PCED1B: variants seen among roughly 807,000 people sequenced by gnomAD.
PCED1B encodes the protein PC-esterase domain containing 1B.
For missense variants in PCED1B, 573 were observed against 573.9 expected (o/e 1.00, Z 0.02); for synonymous variants, 251 against 246.1 (o/e 1.02, Z -0.19).
intron 2 of PCED1B, among the ~76,000 whole-genome samples, chr12:47,160,796 G>A (rs1046264286): frequency 1.3e-5 from 2 of 152,086 alleles, no homozygotes; most frequent in Non-Finnish European, 2.9e-5. Flanking sequence ...TGGCAATGTT[G>A]GGAAGTGAAA....
At chr12:47,201,892 A>C (rs10881077) in intron 2 of PCED1B, among the ~76,000 whole-genome samples, 33,900 of 152,150 alleles carry the variant, frequency 0.22, 4,583 homozygotes, top group Non-Finnish European at 0.3. Flanking sequence ...GAGCCAATGC[A>C]CCAGGCCTGG....
At chr12:47,202,605 AAAAAAAAAAAAAAAG>A (rs1216053789) in intron 2 of PCED1B, among the ~76,000 whole-genome samples, 2 of 150,976 alleles carry the variant, frequency 1.3e-5, no homozygotes, top group African/African-American at 2.4e-5. Flanking sequence ...AAAAAAAAAA[AAAAAAAAAAAAAAAG>A]AAAAAAGAAA....
chr12:47,141,600 G>A (rs184745619), intron 2 of PCED1B, among the ~76,000 whole-genome samples: 14 of 152,224 alleles, frequency 9.2e-5, no homozygotes, highest in Admixed American at 8.5e-4. Flanking sequence ...TCTGAGAGAA[G>A]TCCTGCTCAC....
In PCED1B at chr12:47,182,646, T is replaced by C. The variant is rs562749088; in HGVS notation, c.-525-33576T>C. On this transcript the variant is annotated intron_variant, in intron 2 of 3. Coordinates refer to ENST00000546455, the MANE Select transcript of PCED1B (RefSeq NM_138371.3). ...TATGTTGAGTGCTTTATACCTATTA[T>C]CTTTTTAACAGCCTTCCAGTAACTC... Among the ~76,000 whole-genome samples the C allele has an allele frequency of 4.6e-5, 7 of 152,114 alleles. 1 individual carries two copies. Among genetic ancestry groups the C allele is most frequent in the African/African-American group, 1.4e-4 (6 of 41,500 alleles).
Position 47,183,039 on chromosome 12 carries a change from AG to A in PCED1B, c.-525-33181del, listed in dbSNP as rs1455313748. Among the ~76,000 whole-genome samples the A allele has an allele frequency of 5.3e-5, 8 of 152,050 alleles. No individual in the cohort carries two copies. In the South Asian group the frequency reaches 1.7e-3, roughly 32 times the overall value. ...CTTTTTTTTTTTGGCAATGATTCAAAGGATGATTTTTATTCTTTATACCATT... is the reference window on the plus strand; with the variant it reads ...CTTTTTTTTTTTGGCAATGATTCAAAGATGATTTTTATTCTTTATACCATT... On this transcript the variant is annotated intron_variant, in intron 2 of 3. Coordinates refer to ENST00000546455, the MANE Select transcript of PCED1B (RefSeq NM_138371.3).
chr12:47,195,092 A>G (rs1942561059), intron 2 of PCED1B, among the ~76,000 whole-genome samples: 1 of 152,150 alleles, frequency 6.6e-6, no homozygotes, highest in African/African-American at 2.4e-5. Context: ...AGCATTTGGG[A>G]GGCGGAGGCG....
intron 1 of PCED1B, among the ~76,000 whole-genome samples, chr12:47,089,393 G>C (rs1319341373): frequency 6.9e-6 from 1 of 145,232 alleles, no homozygotes; most frequent in Non-Finnish European, 1.5e-5. Context: ...CTTGCAGTGA[G>C]CTGAGATCAT....
chr12:47,160,609 C>T (rs1421553556), intron 2 of PCED1B, among the ~76,000 whole-genome samples: 1 of 152,018 alleles, frequency 6.6e-6, no homozygotes, highest in Non-Finnish European at 1.5e-5. Context: ...GCCACAATAC[C>T]CAGCCAGCAT....
intron 2 of PCED1B, among the ~76,000 whole-genome samples, chr12:47,128,361 C>A (rs774492425): frequency 1.3e-5 from 2 of 152,088 alleles, no homozygotes; most frequent in African/African-American, 2.4e-5. Flanking sequence ...GGAGAAGGCA[C>A]CTTCTTTATC....
intron 2 of PCED1B, among the ~76,000 whole-genome samples, chr12:47,165,691 T>A (rs1335476968): frequency 6.6e-6 from 1 of 152,216 alleles, no homozygotes; most frequent in Non-Finnish European, 1.5e-5. Context: ...ACACAAAATC[T>A]TGTTCTTCCA....
At chr12:47,223,437 G>GTTT in intron 3 of PCED1B, 1 of 148,588 alleles carries the variant, frequency 6.7e-6, no homozygotes, top group Non-Finnish European at 1.5e-5. Flanking sequence ...GTGCAAGCAA[G>GTTT]TTTTTTTTTT....
At chr12:47,099,944 A>G (rs1384349380) in intron 1 of PCED1B, among the ~76,000 whole-genome samples, 1 of 152,218 alleles carries the variant, frequency 6.6e-6, no homozygotes, top group Non-Finnish European at 1.5e-5. Flanking sequence ...CAGAGAGCAC[A>G]TTTGCATCAA....
At chr12:47,100,609 A>T (rs1450435593) in intron 1 of PCED1B, among the ~76,000 whole-genome samples, 4 of 152,230 alleles carry the variant, frequency 2.6e-5, no homozygotes, top group African/African-American at 9.7e-5. Flanking sequence ...ACTCTTAAGT[A>T]TCTGAAATCT....
At chr12:47,213,083 G>C (rs920715862) in intron 2 of PCED1B, among the ~76,000 whole-genome samples, 1 of 152,126 alleles carries the variant, frequency 6.6e-6, no homozygotes, top group Non-Finnish European at 1.5e-5. Context: ...TCACTGATTT[G>C]GCTTTTCTCA....
chr12:47,125,131 AT>A (rs1247264808), intron 2 of PCED1B, among the ~76,000 whole-genome samples: 1 of 151,958 alleles, frequency 6.6e-6, no homozygotes. Context: ...TCTTTTAGAA[AT>A]TTTTTAGCCC....
chr12:47,224,414 A>G (rs1034826577), intron 3 of PCED1B, among the ~76,000 whole-genome samples: 3 of 152,216 alleles, frequency 2.0e-5, no homozygotes, highest in African/African-American at 7.2e-5. Flanking sequence ...TGCTTTAAGA[A>G]TTTTTAAACT....
At chr12:47,095,909 A>G (rs1047615610) in intron 1 of PCED1B, among the ~76,000 whole-genome samples, 4 of 152,126 alleles carry the variant, frequency 2.6e-5, no homozygotes, top group Non-Finnish European at 2.9e-5. Context: ...AGATCTGAGA[A>G]GCTTGGTTTT....
chr12:47,227,107 C>T lies in PCED1B; in HGVS notation c.-57-7900C>T, dbSNP rs961065189. Among the ~76,000 whole-genome samples, 6 of 152,246 alleles carry T rather than the reference C, an allele frequency of 3.9e-5. No individual in the cohort carries two copies. The East Asian group carries it at 1.2e-3, about 29-fold the overall frequency. ...TTACAGTTACAGTGCTCCTCTTTAT[C>T]AAGAACTTCATTTCCATTTCAGGTT... On this transcript the variant is annotated intron_variant, in intron 3 of 3. Transcript: ENST00000546455.
intron 2 of PCED1B, among the ~76,000 whole-genome samples, chr12:47,129,020 T>C (rs531037992): frequency 6.6e-6 from 1 of 152,216 alleles, no homozygotes; most frequent in Non-Finnish European, 1.5e-5. Context: ...CCTTTCTCCA[T>C]CTCTGCTATC....
Sources: allele counts gnomAD v4.1 joint callset (sites outside exome capture counted in the v4.1 genomes callset), GRCh38; gene constraint gnomAD v4.1.1; transcripts MANE v1.5; gene names NCBI Gene and HGNC (gene_info 2026-07-23, HGNC 2026-07-21).